The following TTLL5 variants were observed in gnomAD, a reference collection of about 807,000 sequenced individuals.
TTLL5 encodes tubulin tyrosine ligase like 5.
Under a neutral mutation model 168.4 loss-of-function variants are expected in TTLL5, and 132 were observed. That is an observed-to-expected ratio of 0.78 (90% CI 0.68 to 0.91). The LOEUF is 0.91. Ranked by LOEUF, TTLL5 falls within the 40% of genes least tolerant of loss-of-function variation. The probability of loss-of-function intolerance (pLI) is 0.00; values close to 1 mark genes in which losing one functional copy is unlikely to be tolerated. For synonymous variants in TTLL5, 546 were observed against 558.6 expected (o/e 0.98, Z 0.32); for missense variants, 1,545 against 1,581.5 (o/e 0.98, Z 0.39).
chr14:75,765,957 G>A, intron 19 of TTLL5, 105 bp from the exon 20 acceptor site: 1 of 924,836 alleles, frequency 1.1e-6, no homozygotes, highest in Non-Finnish European at 1.6e-6. Flanking sequence ...CTTGTTTGTG[G>A]TTTGGTTTAG....
chr14:75,672,657 A>G (rs1883836839), intron 3 of TTLL5, among the ~76,000 whole-genome samples: 1 of 152,226 alleles, frequency 6.6e-6, no homozygotes, highest in Non-Finnish European at 1.5e-5. Context: ...CTGGCCTCAT[A>G]GAATGGGTTC....
At chr14:75,828,600 G>A (rs568939659) in intron 28 of TTLL5, among the ~76,000 whole-genome samples, 2 of 152,188 alleles carry the variant, frequency 1.3e-5, no homozygotes, top group East Asian at 1.9e-4. Flanking sequence ...CTGAATTTTC[G>A]ACTGTGCAGG....
chr14:75,715,537 T>G (rs1887384201), intron 9 of TTLL5, among the ~76,000 whole-genome samples: 1 of 152,164 alleles, frequency 6.6e-6, no homozygotes, highest in Non-Finnish European at 1.5e-5. Flanking sequence ...AGCTATAAGC[T>G]CTTACTGGGG....
At chr14:75,700,653 C>T (rs961142284) in intron 7 of TTLL5, among the ~76,000 whole-genome samples, 5 of 152,174 alleles carry the variant, frequency 3.3e-5, no homozygotes, top group African/African-American at 9.7e-5. Context: ...CTCAAGTTGT[C>T]GGCTTGGCCC....
At chr14:75,895,676 G>A (rs1035103211) in intron 30 of TTLL5, among the ~76,000 whole-genome samples, 3 of 151,934 alleles carry the variant, frequency 2.0e-5, no homozygotes, top group African/African-American at 7.3e-5. Context: ...AACCAAAACT[G>A]CACTCAAAAA....
At chr14:75,924,794 C>T (rs2033955566) in intron 31 of TTLL5, among the ~76,000 whole-genome samples, 3 of 152,176 alleles carry the variant, frequency 2.0e-5, no homozygotes, top group African/African-American at 7.2e-5. Flanking sequence ...CAATGAGCTG[C>T]TGGGTACACC....
intron 17 of TTLL5, among the ~76,000 whole-genome samples, chr14:75,746,379 T>C (rs971861170): frequency 6.6e-6 from 1 of 152,182 alleles, no homozygotes; most frequent in African/African-American, 2.4e-5. Context: ...AAAGCCGCTG[T>C]GACCATTCAT....
At chr14:75,948,282 C>T (rs1424043584) in intron 31 of TTLL5, among the ~76,000 whole-genome samples, 1 of 151,964 alleles carries the variant, frequency 6.6e-6, no homozygotes, top group African/African-American at 2.4e-5. Context: ...GTCAGGAGTT[C>T]GAGACCAGCC....
chr14:75,829,993 C>T (rs945801905), intron 28 of TTLL5, among the ~76,000 whole-genome samples: 1 of 152,112 alleles, frequency 6.6e-6, no homozygotes, highest in Non-Finnish European at 1.5e-5. Flanking sequence ...CTTCCAAGTT[C>T]ACAACTAAAT....
At chr14:75,944,315 T>A (rs1265578485) in intron 31 of TTLL5, among the ~76,000 whole-genome samples, 4 of 152,162 alleles carry the variant, frequency 2.6e-5, no homozygotes, top group African/African-American at 7.2e-5. Context: ...TGATCCTCAG[T>A]GAGGGACACC....
At chr14:75,807,664 T>C (rs1467917691) in intron 27 of TTLL5, among the ~76,000 whole-genome samples, 1 of 152,224 alleles carries the variant, frequency 6.6e-6, no homozygotes, top group Admixed American at 6.5e-5. Flanking sequence ...GGCAAGTTAC[T>C]GTGCTAAGAC....
rs190625662 is a variant in TTLL5, at chr14:75,930,197, A to C, written c.3824-24227A>C. 1.5e-3 allele frequency among the ~76,000 whole-genome samples: 222 copies of C among 152,324 alleles called. 1 individual carries two copies. Among genetic ancestry groups the C allele is most frequent in the African/African-American group, 5.0e-3 (209 of 41,570 alleles). ...TCAGCACAATACTAGGTGCATGTAA[A>C]GAATAACAAATCCAAAGATCCTAAC... On this transcript the variant is annotated intron_variant, in intron 31 of 31. Coordinates refer to ENST00000298832, the MANE Select transcript of TTLL5 (RefSeq NM_015072.5).
At chr14:75,756,782 AC>A (rs1383327447) in intron 18 of TTLL5, among the ~76,000 whole-genome samples, 1 of 152,212 alleles carries the variant, frequency 6.6e-6, no homozygotes, top group Non-Finnish European at 1.5e-5. Flanking sequence ...TGCTAGAATT[AC>A]AGGCATGAGC....
chr14:75,727,844 C>G, intron 12 of TTLL5: 1 of 503,414 alleles, frequency 2.0e-6, no homozygotes, highest in Non-Finnish European at 4.0e-6. Context: ...TAAGACTAGT[C>G]GTTGTCAGGG....
chr14:75,783,161 G>A lies in TTLL5; in HGVS notation c.2617G>A (p.Ala873Thr). 6.2e-7 allele frequency: 1 copy of A among 1,609,290 alleles called. No homozygotes were observed. Among genetic ancestry groups the A allele is most frequent in the Non-Finnish European group, 8.5e-7 (1 of 1,179,196 alleles). The change falls in exon 26 of 32, where the codon GCA becomes ACA. Residue 873 changes from alanine (A) to threonine (T), a missense_variant. Physicochemically the swap from Ala to Thr is moderately conservative, Grantham distance 58. Transcript: ENST00000298832. The stretch of plus-strand genomic sequence containing the variant: ...GTTTTTAATAGGATTTACCACTTCA[G>A]CAGAAAAAGAGGCAAAATTAGTTTA... ...SDKLSRFTTSAEKEAKLVYSN... is the reference protein window; with the variant it reads ...SDKLSRFTTSTEKEAKLVYSN...
At chr14:75,690,032 T>C (rs1030976491) in intron 5 of TTLL5, among the ~76,000 whole-genome samples, 160 bp from the exon 6 acceptor site, 1 of 152,184 alleles carries the variant, frequency 6.6e-6, no homozygotes, top group African/African-American at 2.4e-5. Context: ...TTGATAAAAA[T>C]GATTAATAAG....
At chr14:75,845,103 C>G (rs1201799127) in intron 28 of TTLL5, among the ~76,000 whole-genome samples, 1 of 152,130 alleles carries the variant, frequency 6.6e-6, no homozygotes, top group Non-Finnish European at 1.5e-5. Context: ...TGGAAGGCTT[C>G]CTTGATTTTT....
intron 12 of TTLL5, among the ~76,000 whole-genome samples, chr14:75,725,112 C>A (rs1250556654): frequency 6.6e-6 from 1 of 152,218 alleles, no homozygotes; most frequent in Non-Finnish European, 1.5e-5. Flanking sequence ...TGCTCCGCAC[C>A]AGCCATGCCC....
At chr14:75,714,534 T>C (rs1390296139) in intron 9 of TTLL5, among the ~76,000 whole-genome samples, 2 of 152,214 alleles carry the variant, frequency 1.3e-5, no homozygotes, top group African/African-American at 4.8e-5. Flanking sequence ...CTCGTTTATT[T>C]ATTCATCTAT....
Sources: gnomAD v4.1 joint callset for allele counts (sites outside exome capture counted in the v4.1 genomes callset) on GRCh38, gnomAD v4.1.1 for gene constraint, MANE v1.5 for transcripts, NCBI Gene and HGNC (gene_info 2026-07-23, HGNC 2026-07-21) for gene names.